The following RCL1 variants were observed in gnomAD, a reference collection of about 807,000 sequenced individuals.
The protein encoded by RCL1 is RNA terminal phosphate cyclase like 1.
In RCL1, 24 loss-of-function variants were observed where a neutral mutation model predicts 42.4. The ratio of observed to expected loss-of-function variants is 0.57; its 90% CI spans 0.41 to 0.80. The LOEUF is 0.80. RCL1 is among the 30% of genes least tolerant of loss of function. The pLI is 0.00. For synonymous variants in RCL1, 228 were observed against 177.3 expected, an observed-to-expected ratio of 1.29 and a Z score of -2.27; for missense variants, 578 against 467.9, an observed-to-expected ratio of 1.24 and a Z score of -2.17.
At chr9:4,854,471 C>G (rs1195657271) in intron 8 of RCL1, among the ~76,000 whole-genome samples, 1 of 152,206 alleles carries the variant, frequency 6.6e-6, no homozygotes, top group Non-Finnish European at 1.5e-5. Flanking sequence ...CCAGCTCTGT[C>G]CCATATCCAG....
chr9:4,804,727 C>T (rs1397422127), intron 1 of RCL1: 2 of 180,548 alleles, frequency 1.1e-5, no homozygotes, highest in South Asian at 1.8e-4. Context: ...GGAGGACGAT[C>T]GGCTGACGCC....
chr9:4,841,886 AT>A (rs1817343018), intron 6 of RCL1, among the ~76,000 whole-genome samples: 4 of 152,236 alleles, frequency 2.6e-5, no homozygotes, highest in Admixed American at 2.6e-4. Context: ...AGTAAGGAAA[AT>A]AAGTTCTTAA....
intron 8 of RCL1, among the ~76,000 whole-genome samples, chr9:4,849,752 C>G (rs1037042683): frequency 1.3e-5 from 2 of 152,132 alleles, no homozygotes; most frequent in Non-Finnish European, 2.9e-5. Context: ...CTTCCTTAAT[C>G]CCAGGTAACT....
intron 1 of RCL1, among the ~76,000 whole-genome samples, chr9:4,808,962 C>T (rs13285680): frequency 6.6e-6 from 1 of 152,132 alleles, no homozygotes; most frequent in Non-Finnish European, 1.5e-5. Context: ...CCTTTATTGC[C>T]TCTGGCTACT....
chr9:4,819,421 G>C (rs377186), intron 1 of RCL1, among the ~76,000 whole-genome samples: 7 of 151,974 alleles, frequency 4.6e-5, no homozygotes, highest in Admixed American at 2.0e-4. Context: ...TTTTCCCCAG[G>C]CTTTTTCTTT....
intron 7 of RCL1, among the ~76,000 whole-genome samples, chr9:4,847,939 T>C (rs1056758263): frequency 1.3e-5 from 2 of 152,168 alleles, no homozygotes; most frequent in African/African-American, 2.4e-5. Context: ...CCTAAAGCCC[T>C]CCTCAGGTAT....
At chr9:4,851,026 CT>C (rs1001097606) in intron 8 of RCL1, among the ~76,000 whole-genome samples, 1 of 152,046 alleles carries the variant, frequency 6.6e-6, no homozygotes, top group Non-Finnish European at 1.5e-5. Flanking sequence ...TTTCGTGACA[CT>C]TTTTTTCTTT....
chr9:4,822,537 C>T (rs1458092595), intron 1 of RCL1, among the ~76,000 whole-genome samples: 4 of 152,076 alleles, frequency 2.6e-5, no homozygotes, highest in Non-Finnish European at 5.9e-5. Flanking sequence ...CCAGCTTTTG[C>T]CCAGGCTTGG....
At chr9:4,814,476 C>G (rs1816301836) in intron 1 of RCL1, among the ~76,000 whole-genome samples, 1 of 152,084 alleles carries the variant, frequency 6.6e-6, no homozygotes, top group South Asian at 2.1e-4. Context: ...CTTTGTTGCC[C>G]AGGCTGGTCG....
At chr9:4,854,637 G>T (rs1245554805) in intron 8 of RCL1, among the ~76,000 whole-genome samples, 2 of 152,164 alleles carry the variant, frequency 1.3e-5, no homozygotes, top group Non-Finnish European at 2.9e-5. Context: ...GAGGGGCTGT[G>T]TTTAAGGGTG....
At chr9:4,832,598 A>G (rs1816975658) in intron 3 of RCL1, among the ~76,000 whole-genome samples, 1 of 152,048 alleles carries the variant, frequency 6.6e-6, no homozygotes, top group South Asian at 2.1e-4. Flanking sequence ...TTACAAGTTC[A>G]AGAGATTGAG....
intron 1 of RCL1, among the ~76,000 whole-genome samples, chr9:4,794,725 C>A (rs1325061583): frequency 6.6e-6 from 1 of 150,866 alleles, no homozygotes; most frequent in Non-Finnish European, 1.5e-5. Context: ...TAGAGTTTTT[C>A]TATTGACAGG....
intron 7 of RCL1, among the ~76,000 whole-genome samples, chr9:4,846,822 C>G (rs750076535): frequency 5.9e-5 from 9 of 152,108 alleles, no homozygotes; most frequent in Non-Finnish European, 1.3e-4. Context: ...GGCTATAAGC[C>G]TCAGGGTAAA....
intron 7 of RCL1, among the ~76,000 whole-genome samples, chr9:4,847,795 C>T (rs1251245709): frequency 6.6e-6 from 1 of 152,226 alleles, no homozygotes; most frequent in East Asian, 1.9e-4. Flanking sequence ...CCACAGGCAG[C>T]AGTGGTGCCT....
intron 1 of RCL1, among the ~76,000 whole-genome samples, chr9:4,810,867 C>G (rs1428449605): frequency 6.6e-6 from 1 of 152,150 alleles, no homozygotes; most frequent in Non-Finnish European, 1.5e-5. Context: ...TACCCTGTGA[C>G]TAATGAGACT....
At chr9:4,795,976 C>T (rs935939348) in intron 1 of RCL1, among the ~76,000 whole-genome samples, 4 of 152,266 alleles carry the variant, frequency 2.6e-5, no homozygotes, top group African/African-American at 7.2e-5. Flanking sequence ...TCAGAGCAGA[C>T]ACTTCCCTGA....
At chr9:4,828,048 T>C (rs925779299) in intron 3 of RCL1, among the ~76,000 whole-genome samples, 1 of 150,404 alleles carries the variant, frequency 6.6e-6, no homozygotes, top group African/African-American at 2.5e-5. Flanking sequence ...TAGCCAGGCA[T>C]GGTGGCGGGC....
At chr9:4,851,713 C>G (rs1220268828) in intron 8 of RCL1, among the ~76,000 whole-genome samples, 1 of 144,244 alleles carries the variant, frequency 6.9e-6, no homozygotes, top group Non-Finnish European at 1.5e-5. Flanking sequence ...CTAAAGAAAA[C>G]CAGAAGCAAG....
At chr9:4,807,936 G>A (rs531438580) in intron 1 of RCL1, among the ~76,000 whole-genome samples, 6 of 152,146 alleles carry the variant, frequency 3.9e-5, no homozygotes, top group South Asian at 2.1e-4. Flanking sequence ...TTTCAGTTCT[G>A]TTAAATTTAT....
Sources: allele counts gnomAD v4.1 joint callset (sites outside exome capture counted in the v4.1 genomes callset), GRCh38; gene constraint gnomAD v4.1.1; transcripts MANE v1.5; gene names NCBI Gene and HGNC (gene_info 2026-07-23, HGNC 2026-07-21).